The following GPC5 variants were observed in gnomAD, a reference collection of about 807,000 sequenced individuals.
The protein encoded by GPC5 is glypican-5.
GPC5 carries 47 observed loss-of-function variants against 53.9 expected under a neutral mutation model. That is an observed-to-expected ratio of 0.87 (90% CI 0.69 to 1.11). The LOEUF (loss-of-function observed/expected upper bound fraction) is 1.11, where lower values mean the gene tolerates loss of function less well. Ranked by LOEUF, GPC5 falls within the 50% of genes most tolerant of loss-of-function variation. The probability of loss-of-function intolerance (pLI) is 0.00; values close to 1 mark genes in which losing one functional copy is unlikely to be tolerated. For missense variants in GPC5, 748 were observed against 713.1 expected (o/e 1.05, Z -0.56); for synonymous variants, 286 against 263.3 (o/e 1.09, Z -0.84).
intron 7 of GPC5, among the ~76,000 whole-genome samples, chr13:92,572,478 G>A (rs533937636): frequency 4.6e-5 from 7 of 152,152 alleles, no homozygotes; most frequent in Non-Finnish European, 8.8e-5. Context: ...CCGCTGTGGT[G>A]ACCCTGGCCT....
intron 7 of GPC5, among the ~76,000 whole-genome samples, chr13:92,540,020 A>G (rs1881882835): frequency 6.6e-6 from 1 of 152,044 alleles, no homozygotes; most frequent in East Asian, 1.9e-4. Context: ...ACTTTTAAGG[A>G]CCTTATATCA....
chr13:91,710,531 G>T (rs2036202177), intron 3 of GPC5, among the ~76,000 whole-genome samples: 1 of 152,178 alleles, frequency 6.6e-6, no homozygotes, highest in East Asian at 1.9e-4. Context: ...ACCACATTTT[G>T]GTAGAGGTGT....
At chr13:91,647,909 C>T (rs1482504206) in intron 2 of GPC5, among the ~76,000 whole-genome samples, 1 of 152,194 alleles carries the variant, frequency 6.6e-6, no homozygotes, top group Non-Finnish European at 1.5e-5. Context: ...CAACTATCCT[C>T]TAAAGAAACA....
At chr13:92,797,982 C>T (rs1795503788) in intron 7 of GPC5, among the ~76,000 whole-genome samples, 1 of 151,746 alleles carries the variant, frequency 6.6e-6, no homozygotes, top group Non-Finnish European at 1.5e-5. Flanking sequence ...TGAAATTCTT[C>T]CTTCTCCACT....
At chr13:91,633,857 C>T (rs1009001091) in intron 2 of GPC5, among the ~76,000 whole-genome samples, 12 of 152,078 alleles carry the variant, frequency 7.9e-5, no homozygotes, top group Non-Finnish European at 2.9e-5. Context: ...AGGATAATGA[C>T]TTCCCTGATG....
At chr13:92,418,009 A>G (rs1876389680) in intron 7 of GPC5, among the ~76,000 whole-genome samples, 1 of 152,228 alleles carries the variant, frequency 6.6e-6, no homozygotes, top group Non-Finnish European at 1.5e-5. Context: ...CTTGCTAAAC[A>G]TGGATGAATC....
chr13:91,823,765 C>G (rs777526867), intron 5 of GPC5, among the ~76,000 whole-genome samples: 1 of 152,090 alleles, frequency 6.6e-6, no homozygotes, highest in Non-Finnish European at 1.5e-5. Context: ...CATAATCACT[C>G]TTTGTCTATT....
chr13:91,584,316 C>A (rs892429786), intron 2 of GPC5, among the ~76,000 whole-genome samples: 1 of 151,956 alleles, frequency 6.6e-6, no homozygotes, highest in Non-Finnish European at 1.5e-5. Context: ...GAAATACATT[C>A]AAAAACATAT....
intron 7 of GPC5, among the ~76,000 whole-genome samples, chr13:92,228,817 A>C (rs185289348): frequency 4.6e-5 from 7 of 152,280 alleles, no homozygotes; most frequent in Admixed American, 6.5e-5. Context: ...CTGGAAAATA[A>C]CCAAGCATGG....
intron 7 of GPC5, among the ~76,000 whole-genome samples, chr13:92,390,496 G>A (rs904771476): frequency 3.9e-5 from 6 of 151,998 alleles, no homozygotes; most frequent in African/African-American, 1.4e-4. Flanking sequence ...TGACATAATC[G>A]GCTGCAGCAA....
intron 7 of GPC5, among the ~76,000 whole-genome samples, chr13:92,620,523 A>C (rs547530366): frequency 6.6e-6 from 1 of 152,324 alleles, no homozygotes; most frequent in African/African-American, 2.4e-5. Context: ...TAATTCCTAA[A>C]GTGACTTAAA....
chr13:91,881,002 G>T (rs2039258185), intron 5 of GPC5, among the ~76,000 whole-genome samples: 1 of 152,142 alleles, frequency 6.6e-6, no homozygotes. Flanking sequence ...TGTTGGCAAG[G>T]CTGGTCTGGA....
chr13:92,854,897 C>T (rs1005541961), intron 7 of GPC5, among the ~76,000 whole-genome samples: 1 of 151,960 alleles, frequency 6.6e-6, no homozygotes, highest in Non-Finnish European at 1.5e-5. Flanking sequence ...AAAAATGTTA[C>T]ATTTGTCTAT....
At chr13:92,814,250 A>G (rs1478488653) in intron 7 of GPC5, among the ~76,000 whole-genome samples, 1 of 152,030 alleles carries the variant, frequency 6.6e-6, no homozygotes, top group Non-Finnish European at 1.5e-5. Flanking sequence ...AAAACCCAAA[A>G]CTACAAAACT....
At chr13:91,443,222 G>A (rs559296316) in intron 1 of GPC5, among the ~76,000 whole-genome samples, 1 of 152,128 alleles carries the variant, frequency 6.6e-6, no homozygotes, top group South Asian at 2.1e-4. Context: ...TTAGAGATGG[G>A]GCCTTTAAAC....
chr13:92,810,138 G>A (rs1464245858), intron 7 of GPC5, among the ~76,000 whole-genome samples: 2 of 151,892 alleles, frequency 1.3e-5, no homozygotes, highest in Non-Finnish European at 2.9e-5. Flanking sequence ...CAAGTATGGA[G>A]GTTATTGAAA....
At chr13:92,100,337 G>T (rs2041455622) in intron 6 of GPC5, among the ~76,000 whole-genome samples, 1 of 152,062 alleles carries the variant, frequency 6.6e-6, no homozygotes, top group Admixed American at 6.6e-5. Context: ...GGGAGGCAGA[G>T]GTTGCCGTGA....
chr13:92,578,012 T>C (rs1340690236), intron 7 of GPC5, among the ~76,000 whole-genome samples: 1 of 152,164 alleles, frequency 6.6e-6, no homozygotes, highest in East Asian at 1.9e-4. Flanking sequence ...GCAATGAAGG[T>C]TTATTTGTGA....
intron 2 of GPC5, among the ~76,000 whole-genome samples, chr13:91,509,556 G>A (rs1392852711): frequency 2.6e-5 from 4 of 151,602 alleles, no homozygotes; most frequent in African/African-American, 9.7e-5. Flanking sequence ...TTCTGGGAAA[G>A]CAATATTTCA....
Sources: allele counts gnomAD v4.1 joint callset (sites outside exome capture counted in the v4.1 genomes callset), GRCh38; gene constraint gnomAD v4.1.1; transcripts MANE v1.5; gene names NCBI Gene and HGNC (gene_info 2026-07-23, HGNC 2026-07-21).